The following CTNNA3 variants were observed in gnomAD, a reference collection of about 807,000 sequenced individuals.
CTNNA3 encodes the protein catenin alpha 3, also known as catenin alpha-3.
CTNNA3 carries 76 observed loss-of-function variants against 95.7 expected under a neutral mutation model. That is an observed-to-expected ratio of 0.79 (90% CI 0.66 to 0.96). The LOEUF (loss-of-function observed/expected upper bound fraction) is 0.96. Among genes scored for constraint, CTNNA3 ranks in the 40% least tolerant of loss-of-function variants. CTNNA3 has a pLI of 0.00. For missense variants in CTNNA3, 1,191 were observed against 1,089.8 expected (o/e 1.09, Z -1.31); for synonymous variants, 431 against 374.4 (o/e 1.15, Z -1.74).
At chr10:67,624,608 T>C (rs1466197276) in intron 2 of CTNNA3, among the ~76,000 whole-genome samples, 6 of 152,278 alleles carry the variant, frequency 3.9e-5, no homozygotes, top group African/African-American at 7.2e-5. Flanking sequence ...TCAGCAAAAC[T>C]TCAGAGGGCA....
chr10:66,038,720 G>T (rs887821540), intron 15 of CTNNA3, among the ~76,000 whole-genome samples: 1 of 152,066 alleles, frequency 6.6e-6, no homozygotes, highest in Non-Finnish European at 1.5e-5. Context: ...AGGCATGAAA[G>T]GATGAGAAGT....
intron 14 of CTNNA3, among the ~76,000 whole-genome samples, chr10:66,101,826 G>A (rs920457829): frequency 6.6e-6 from 1 of 152,138 alleles, no homozygotes; most frequent in African/African-American, 2.4e-5. Context: ...ATTTTTCAGT[G>A]TATTTATCTT....
chr10:66,538,069 C>T (rs997813731), intron 10 of CTNNA3, among the ~76,000 whole-genome samples: 7 of 152,076 alleles, frequency 4.6e-5, no homozygotes, highest in Non-Finnish European at 1.0e-4. Flanking sequence ...CATTGGATAA[C>T]ACACTGTTTC....
intron 7 of CTNNA3, among the ~76,000 whole-genome samples, chr10:66,936,655 A>C (rs1454116570): frequency 6.6e-6 from 1 of 152,166 alleles, no homozygotes; most frequent in Non-Finnish European, 1.5e-5. Flanking sequence ...TGAACTCTAC[A>C]GCGCAATCTA....
chr10:65,920,762 G>C, intron 17 of CTNNA3, 145 bp from the exon 18 acceptor site: 1 of 781,286 alleles, frequency 1.3e-6, no homozygotes. Context: ...GGAGGCAAAG[G>C]TTGCAGTGAG....
At chr10:67,128,496 C>T (rs1044361467) in intron 7 of CTNNA3, among the ~76,000 whole-genome samples, 2 of 152,026 alleles carry the variant, frequency 1.3e-5, no homozygotes, top group Non-Finnish European at 2.9e-5. Flanking sequence ...AAACTAGTAG[C>T]CCACCTGCAA....
At chr10:66,197,550 C>T (rs2087045459) in intron 13 of CTNNA3, among the ~76,000 whole-genome samples, 1 of 151,732 alleles carries the variant, frequency 6.6e-6, no homozygotes, top group African/African-American at 2.4e-5. Flanking sequence ...TAATCACCTG[C>T]AAAAAAAGTA....
chr10:67,141,723 C>T (rs899932171), intron 7 of CTNNA3, among the ~76,000 whole-genome samples: 1 of 152,102 alleles, frequency 6.6e-6, no homozygotes, highest in African/African-American at 2.4e-5. Flanking sequence ...ATGCAGCTGC[C>T]TTAGTCTTGA....
intron 13 of CTNNA3, among the ~76,000 whole-genome samples, chr10:66,160,503 T>C (rs1048027517): frequency 1.8e-4 from 28 of 152,230 alleles, no homozygotes; most frequent in African/African-American, 6.5e-4. Flanking sequence ...AGGTTCCTTT[T>C]GGAGTTGATT....
chr10:66,500,165 CACACAT>C (rs1367432005), intron 11 of CTNNA3, among the ~76,000 whole-genome samples: 1 of 152,060 alleles, frequency 6.6e-6, no homozygotes, highest in Non-Finnish European at 1.5e-5. Flanking sequence ...AAACAAAACT[CACACAT>C]ACACTATTTA....
chr10:66,208,979 T>A (rs1426558942), intron 13 of CTNNA3, among the ~76,000 whole-genome samples: 1 of 152,092 alleles, frequency 6.6e-6, no homozygotes, highest in African/African-American at 2.4e-5. Context: ...TGAGTATATA[T>A]TTTATGGTAT....
chr10:67,410,689 T>C (rs1313894268), intron 5 of CTNNA3, among the ~76,000 whole-genome samples: 1 of 149,244 alleles, frequency 6.7e-6, no homozygotes, highest in African/African-American at 2.5e-5. Flanking sequence ...AATCCCAATA[T>C]GTAATAAAGT....
intron 1 of CTNNA3, among the ~76,000 whole-genome samples, chr10:67,735,153 A>C (rs1428415097): frequency 1.3e-5 from 2 of 151,256 alleles, no homozygotes; most frequent in Non-Finnish European, 3.0e-5. Context: ...ACAAACACAC[A>C]CACACACACA....
At chr10:67,102,827 C>T (rs979350376) in intron 7 of CTNNA3, among the ~76,000 whole-genome samples, 6 of 151,814 alleles carry the variant, frequency 4.0e-5, no homozygotes, top group Non-Finnish European at 5.9e-5. Context: ...GCAAGACAGT[C>T]TTTTCCTCAG....
intron 15 of CTNNA3, among the ~76,000 whole-genome samples, chr10:66,068,037 G>A (rs1008115570): frequency 6.6e-5 from 10 of 152,110 alleles, no homozygotes; most frequent in Admixed American, 6.6e-5. Flanking sequence ...TTCATTTTAC[G>A]CATATTCCCA....
At chr10:66,382,734 A>G (rs2092852253) in intron 11 of CTNNA3, among the ~76,000 whole-genome samples, 1 of 152,168 alleles carries the variant, frequency 6.6e-6, no homozygotes, top group Non-Finnish European at 1.5e-5. Context: ...TGAAGCTTCC[A>G]GAGGAAGGAT....
chr10:67,056,312 C>A (rs954691003), intron 7 of CTNNA3, among the ~76,000 whole-genome samples: 20 of 152,124 alleles, frequency 1.3e-4, no homozygotes, highest in Non-Finnish European at 1.3e-4. Flanking sequence ...TTGGGTGAGG[C>A]AATATTTCTC....
intron 4 of CTNNA3, among the ~76,000 whole-genome samples, chr10:67,534,753 A>C (rs113512734): frequency 0.015 from 2,355 of 152,256 alleles, 71 homozygotes; most frequent in African/African-American, 0.054. Flanking sequence ...ACAGAAAGAC[A>C]ATCTATAAAT....
chr10:66,489,223 C>T (rs1839837080), intron 11 of CTNNA3, among the ~76,000 whole-genome samples: 1 of 152,092 alleles, frequency 6.6e-6, no homozygotes, highest in Admixed American at 6.5e-5. Context: ...ATTAACCTAG[C>T]TTTATAAACA....
Sources: allele counts gnomAD v4.1 joint callset (sites outside exome capture counted in the v4.1 genomes callset), GRCh38; gene constraint gnomAD v4.1.1; transcripts MANE v1.5; gene names NCBI Gene and HGNC (gene_info 2026-07-23, HGNC 2026-07-21).